RAPGEF2: variants seen among roughly 807,000 people sequenced by gnomAD.
RAPGEF2 encodes the protein PDZ domain containing guanine nucleotide exchange factor (GEF) 1.
In RAPGEF2, 54 loss-of-function variants were observed where a neutral mutation model predicts 186.7. That is an observed-to-expected ratio of 0.29 (90% CI 0.23 to 0.36). The LOEUF is 0.36. Ranked by LOEUF, RAPGEF2 falls within the 10% of genes least tolerant of loss-of-function variation. The pLI is 1.00. For missense variants in RAPGEF2, 1,532 were observed against 2,045.0 expected (o/e 0.75, Z 4.84); for synonymous variants, 712 against 705.9 (o/e 1.01, Z -0.14).
Position 159,323,506 on chromosome 4 carries a change from T to C in RAPGEF2, c.1038T>C (p.Tyr346=). 6.2e-7 allele frequency: 1 copy of C among 1,612,976 alleles called. No individual in the cohort carries two copies. Among genetic ancestry groups the C allele is most frequent in the East Asian group, 2.2e-5 (1 of 44,738 alleles). ...TCAATGGATCTGTGGAAGTGACTTA[T>C]CCAGATGGAAAAGCAGAAATACTGT... The part of the protein sequence containing the change: ...VILNGSVEVT[Y]PDGKAEILCM... The change falls in exon 11 of 30, where the codon TAT becomes TAC. Residue 346 remains tyrosine (Y), a synonymous_variant. Coordinates refer to ENST00000691494, the MANE Select transcript of RAPGEF2 (RefSeq NM_001394067.2).
chr4:159,247,506 T>C (rs1446446341), intron 7 of RAPGEF2, among the ~76,000 whole-genome samples: 1 of 152,158 alleles, frequency 6.6e-6, no homozygotes, highest in Non-Finnish European at 1.5e-5. Context: ...AAGTTGAACT[T>C]TTTCATGACT....
At position 159,305,090 on chromosome 4, in the gene RAPGEF2, C is replaced by G. The variant is rs75218005; in HGVS notation, c.675+617C>G. 6.3e-3 allele frequency among the ~76,000 whole-genome samples: 966 copies of G among 152,254 alleles called. 6 individuals carry two copies. Among genetic ancestry groups the G allele is most frequent in the Non-Finnish European group, 0.011 (749 of 67,992 alleles). On this transcript the variant is annotated intron_variant, in intron 8 of 29. Coordinates refer to ENST00000691494, the MANE Select transcript of RAPGEF2 (RefSeq NM_001394067.2). The stretch of plus-strand genomic sequence containing the variant: ...TTATTCTGTCATCCATTGATGAACA[C>G]TTTGGTTGATTCTATATCTTTGCTA...
chr4:159,135,745 G>A (rs1741650258), intron 1 of RAPGEF2, among the ~76,000 whole-genome samples: 1 of 151,992 alleles, frequency 6.6e-6, no homozygotes, highest in Admixed American at 6.5e-5. Context: ...GATTACAGGT[G>A]CCCACCACTA....
intron 7 of RAPGEF2, chr4:159,268,216 G>T: frequency 6.3e-7 from 1 of 1,582,590 alleles, no homozygotes; most frequent in Non-Finnish European, 8.7e-7. Context: ...GAAACACTCA[G>T]TAAGTATCGC....
intron 25 of RAPGEF2, 97 bp downstream of exon 25, chr4:159,347,095 T>G: frequency 8.6e-7 from 1 of 1,166,436 alleles, no homozygotes; most frequent in East Asian, 2.4e-5. Flanking sequence ...TTGTCTAATA[T>G]ATTTGAGTTT....
rs114178598 is a variant in RAPGEF2, at chr4:159,136,981, G to A, written c.69+32750G>A. Among the ~76,000 whole-genome samples the A allele has an allele frequency of 8.4e-3, 1,285 of 152,298 alleles. 23 individuals carry two copies. Among genetic ancestry groups the A allele is most frequent in the African/African-American group, 0.029 (1,221 of 41,560 alleles). ...TGTCCTTAATGGCCATTGGTTGCTA[G>A]TGCTAAAACTGTGTAAGAAGGTAAA... On this transcript the variant is annotated intron_variant, in intron 1 of 29. Coordinates refer to ENST00000691494, the MANE Select transcript of RAPGEF2 (RefSeq NM_001394067.2).
intron 1 of RAPGEF2, among the ~76,000 whole-genome samples, chr4:159,135,486 G>A (rs989329385): frequency 1.3e-5 from 2 of 152,144 alleles, no homozygotes; most frequent in South Asian, 2.1e-4. Flanking sequence ...AAACATTCAT[G>A]TACAAGATTG....
intron 7 of RAPGEF2, among the ~76,000 whole-genome samples, chr4:159,289,469 A>G (rs187090218): frequency 4.8e-4 from 73 of 152,242 alleles, no homozygotes; most frequent in Non-Finnish European, 5.4e-4. Context: ...ATAATTGCTG[A>G]TGGAAGGGGG....
chr4:159,218,044 A>G (rs1484684091), intron 4 of RAPGEF2, among the ~76,000 whole-genome samples: 1 of 152,256 alleles, frequency 6.6e-6, no homozygotes, highest in African/African-American at 2.4e-5. Context: ...TATAAGTCAT[A>G]CAATGACTTA....
chr4:159,148,492 T>C (rs968323502), intron 1 of RAPGEF2, among the ~76,000 whole-genome samples: 2 of 152,256 alleles, frequency 1.3e-5, no homozygotes, highest in Admixed American at 1.3e-4. Context: ...TTGAATATAA[T>C]GTTTCCAATA....
At chr4:159,341,004 T>C (rs1729392601) in intron 19 of RAPGEF2, among the ~76,000 whole-genome samples, 2 of 152,206 alleles carry the variant, frequency 1.3e-5, no homozygotes. Context: ...AAAATCCAGA[T>C]TTTTTAAAGT....
At chr4:159,309,395 C>G (rs1284274143) in intron 8 of RAPGEF2, among the ~76,000 whole-genome samples, 2 of 152,140 alleles carry the variant, frequency 1.3e-5, no homozygotes, top group African/African-American at 4.8e-5. Flanking sequence ...GAACTTGTCT[C>G]TCTTGTCTCT....
rs369831075 is a variant in RAPGEF2, at chr4:159,346,843, C to T, written c.3557C>T (p.Ala1186Val). ...KPVKSETSPV[A>V]PRAGSQQKAQ... The stretch of plus-strand genomic sequence containing the variant: ...GTCAAATCCGAGACCTCTCCAGTAG[C>T]TCCAAGGGCAGGGTCACAACAGAAA... The change falls in exon 25 of 30, where the codon GCT (alanine) becomes GTT (valine). Residue 1186 changes from alanine to valine, a missense_variant. Around this residue, in one of 4 missense-constraint regions of RAPGEF2, gnomAD observed 594 missense variants for 608.5 expected, o/e 0.98. Transcript: ENST00000691494. 36 of 1,614,206 alleles carry T rather than the reference C, an allele frequency of 2.2e-5. No individual in the cohort carries two copies. Among genetic ancestry groups the T allele is most frequent in the Non-Finnish European group, 2.8e-5 (33 of 1,180,030 alleles).
At chr4:159,335,457 C>T (rs116508870) in intron 17 of RAPGEF2, among the ~76,000 whole-genome samples, 3 of 152,214 alleles carry the variant, frequency 2.0e-5, no homozygotes, top group Non-Finnish European at 4.4e-5. Flanking sequence ...CCAAGAGTGG[C>T]CGCATGTCTG....
intron 1 of RAPGEF2, among the ~76,000 whole-genome samples, chr4:159,153,279 G>T (rs192316343): frequency 5.6e-4 from 85 of 152,226 alleles, no homozygotes; most frequent in Non-Finnish European, 1.0e-3. Context: ...ACTTTAAAAA[G>T]AAATCTTGCT....
intron 3 of RAPGEF2, among the ~76,000 whole-genome samples, chr4:159,204,244 GAGTTTGGAAAAC>G (rs1749740159): frequency 6.6e-6 from 1 of 152,204 alleles, no homozygotes; most frequent in African/African-American, 2.4e-5. Flanking sequence ...AAGTATTTTA[GAGTTTGGAAAAC>G]AGTGAGTGAG....
chr4:159,296,102 A>G (rs1023373149), intron 7 of RAPGEF2, among the ~76,000 whole-genome samples: 8 of 152,192 alleles, frequency 5.3e-5, no homozygotes, highest in South Asian at 2.1e-4. Context: ...GGATATTACC[A>G]TAAACCTTGT....
At chr4:159,238,351 A>G (rs1156983959) in intron 4 of RAPGEF2, among the ~76,000 whole-genome samples, 1 of 152,214 alleles carries the variant, frequency 6.6e-6, no homozygotes, top group Non-Finnish European at 1.5e-5. Context: ...TTAGGAAAAT[A>G]AACACACTTT....
At chr4:159,170,218 T>C (rs1280653214) in intron 1 of RAPGEF2, among the ~76,000 whole-genome samples, 1 of 152,176 alleles carries the variant, frequency 6.6e-6, no homozygotes, top group African/African-American at 2.4e-5. Context: ...GAGAAATGTC[T>C]ATTCAGGTCC....
Sources: gnomAD v4.1 joint callset for allele counts (sites outside exome capture counted in the v4.1 genomes callset) on GRCh38, gnomAD v4.1.1 for gene constraint, gnomAD v4.1.1 regional missense constraint, MANE v1.5 for transcripts, NCBI Gene and HGNC (gene_info 2026-07-23, HGNC 2026-07-21) for gene names.